PKHD1: variants seen among roughly 807,000 people sequenced by gnomAD.
PKHD1 encodes the protein PKHD1 ciliary IPT domain containing fibrocystin/polyductin.
A neutral mutation model predicts 412.0 loss-of-function variants in PKHD1; 291 were observed. The ratio of observed to expected loss-of-function variants is 0.71; its 90% CI spans 0.64 to 0.78. The LOEUF (loss-of-function observed/expected upper bound fraction) is 0.78, where lower values mean the gene tolerates loss of function less well. Ranked by LOEUF, PKHD1 falls within the 30% of genes least tolerant of loss-of-function variation. PKHD1 has a pLI of 0.00. For missense variants in PKHD1, 4,825 were observed against 4,950.7 expected (o/e 0.97, Z 0.76); for synonymous variants, 1,777 against 1,821.5 (o/e 0.98, Z 0.62).
intron 48 of PKHD1, among the ~76,000 whole-genome samples, chr6:51,861,489 T>A (rs1241758836): frequency 6.6e-6 from 1 of 152,268 alleles, no homozygotes; most frequent in East Asian, 1.9e-4. Flanking sequence ...CCTCAAATTG[T>A]GTTGCAAACA....
chr6:51,818,049 T>G (rs537497001), intron 52 of PKHD1, among the ~76,000 whole-genome samples: 34 of 152,228 alleles, frequency 2.2e-4, no homozygotes, highest in African/African-American at 7.9e-4. Context: ...TCAGGTTACG[T>G]TATCATGTAA....
intron 7 of PKHD1, 61 bp from the exon 8 acceptor site, chr6:52,072,250 A>T: frequency 3.0e-6 from 3 of 1,011,360 alleles, no homozygotes; most frequent in Non-Finnish European, 4.7e-6. Flanking sequence ...CTCCCAATAA[A>T]CATTCCTCAC....
At chr6:51,988,233 A>G (rs1465597774) in intron 35 of PKHD1, among the ~76,000 whole-genome samples, 1 of 152,222 alleles carries the variant, frequency 6.6e-6, no homozygotes, top group Non-Finnish European at 1.5e-5. Context: ...CAGTATATAC[A>G]TATATTAATA....
intron 60 of PKHD1, among the ~76,000 whole-genome samples, chr6:51,739,752 T>G (rs1020949908): frequency 6.6e-6 from 1 of 152,214 alleles, no homozygotes; most frequent in South Asian, 2.1e-4. Context: ...AAGGTGCTCA[T>G]GCAATGCTAG....
rs910010172 is a variant in PKHD1 at position 51,946,744 on chromosome 6, T to A, written c.5909-12422A>T. ...TCAACCATCATTATTGTTACTTCCC[T>A]CTAAAATAAATAAATGAACACAACT... On this transcript the variant is annotated intron_variant, in intron 36 of 66. Transcript: ENST00000371117. Among the ~76,000 whole-genome samples the A allele has an allele frequency of 1.3e-4, 20 of 152,220 alleles. 1 individual carries two copies. Among genetic ancestry groups the A allele is most frequent in the African/African-American group, 4.8e-4 (20 of 41,452 alleles).
chr6:52,074,618 G>A (rs146531456), intron 6 of PKHD1, among the ~76,000 whole-genome samples: 351 of 152,202 alleles, frequency 2.3e-3, no homozygotes, highest in African/African-American at 8.3e-3. Flanking sequence ...GTTTCTAAAC[G>A]AAGATGGCCA....
chr6:51,640,294 C>T (rs1017811969), intron 63 of PKHD1, among the ~76,000 whole-genome samples: 3 of 152,136 alleles, frequency 2.0e-5, no homozygotes, highest in African/African-American at 7.2e-5. Context: ...GTAGAACAGC[C>T]GCCAAATTGC....
At chr6:52,071,404 T>A (rs1356400623) in intron 8 of PKHD1, among the ~76,000 whole-genome samples, 1 of 151,740 alleles carries the variant, frequency 6.6e-6, no homozygotes, top group African/African-American at 2.4e-5. Context: ...ATGAACCCCA[T>A]AAAGGACAAT....
chr6:51,699,925 G>GTA (rs1240815080), intron 60 of PKHD1, among the ~76,000 whole-genome samples: 40 of 148,278 alleles, frequency 2.7e-4, no homozygotes, highest in East Asian at 2.2e-3. Context: ...TATGGAGTGT[G>GTA]TGTGTGTGTG....
chr6:51,705,184 C>T (rs766802948), intron 60 of PKHD1, among the ~76,000 whole-genome samples: 3 of 151,888 alleles, frequency 2.0e-5, no homozygotes, highest in Admixed American at 6.6e-5. Context: ...ACTACAGTAC[C>T]GAGAAGTAGA....
intron 9 of PKHD1, among the ~76,000 whole-genome samples, chr6:52,070,728 G>A (rs1810486283): frequency 6.6e-6 from 1 of 152,120 alleles, no homozygotes; most frequent in Non-Finnish European, 1.5e-5. Context: ...CGAGTTAGAT[G>A]GAGCACCATT....
chr6:51,791,751 G>A (rs915011200), intron 52 of PKHD1, among the ~76,000 whole-genome samples: 1 of 152,174 alleles, frequency 6.6e-6, no homozygotes, highest in Non-Finnish European at 1.5e-5. Flanking sequence ...ATTGGCCTCT[G>A]AGGGAAGACT....
At chr6:51,941,766 C>T (rs1457712690) in intron 36 of PKHD1, among the ~76,000 whole-genome samples, 1 of 151,648 alleles carries the variant, frequency 6.6e-6, no homozygotes, top group Admixed American at 6.6e-5. Flanking sequence ...CTCAAACATG[C>T]TTTCTTTACT....
intron 45 of PKHD1, among the ~76,000 whole-genome samples, chr6:51,884,657 C>G (rs908185987): frequency 6.6e-6 from 1 of 151,782 alleles, no homozygotes; most frequent in Admixed American, 6.6e-5. Flanking sequence ...GTATTTTTTT[C>G]CTTCATAGGT....
chr6:51,814,791 G>A (rs1013640786), intron 52 of PKHD1, among the ~76,000 whole-genome samples: 1 of 152,192 alleles, frequency 6.6e-6, no homozygotes, highest in African/African-American at 2.4e-5. Flanking sequence ...GGGGAGACAG[G>A]AAATGAGAGG....
intron 53 of PKHD1, among the ~76,000 whole-genome samples, chr6:51,786,731 T>A (rs568924685): frequency 1.1e-4 from 16 of 152,184 alleles, no homozygotes; most frequent in Non-Finnish European, 8.8e-5. Context: ...GTCACACTAT[T>A]TTATTGAGAC....
rs752646435 is a variant in PKHD1, at chr6:52,045,043, G to A, written c.2638C>T (p.Arg880Cys). ...LTGVNPAAAT[R>C]VVYDGGVFLG... ...AAAACTCCACCATCATATACCACAC[G>A]CGTGGCTGCAGCAGGATTCACTCCA... The change falls in exon 25 of 67, where the codon CGT becomes TGT. Residue 880 changes from arginine to cysteine, a missense_variant. Arg to Cys is a radical substitution (Grantham distance 180). Coordinates refer to ENST00000371117, the MANE Select transcript of PKHD1 (RefSeq NM_138694.4). The A allele has an allele frequency of 3.2e-5, 52 of 1,612,726 alleles. No homozygotes were observed. The South Asian group carries it at 4.1e-4, about 13-fold the overall frequency.
At chr6:51,829,349 T>C (rs1303041891) in intron 52 of PKHD1, among the ~76,000 whole-genome samples, 3 of 152,052 alleles carry the variant, frequency 2.0e-5, no homozygotes, top group Non-Finnish European at 4.4e-5. Context: ...ATGGCCAAGA[T>C]TGCTCCTTGC....
At chr6:51,680,422 G>T (rs1776489246) in intron 60 of PKHD1, among the ~76,000 whole-genome samples, 1 of 152,020 alleles carries the variant, frequency 6.6e-6, no homozygotes, top group African/African-American at 2.4e-5. Context: ...AAGTGGCCAA[G>T]TAACTATTGC....
Sources: allele counts gnomAD v4.1 joint callset (sites outside exome capture counted in the v4.1 genomes callset), GRCh38; gene constraint gnomAD v4.1.1; transcripts MANE v1.5; gene names NCBI Gene and HGNC (gene_info 2026-07-23, HGNC 2026-07-21).